The following KCTD8 variants were observed in gnomAD, a reference collection of about 807,000 sequenced individuals.
The protein encoded by KCTD8 is BTB/POZ domain-containing protein KCTD8.
In KCTD8, 27 loss-of-function variants were observed where a neutral mutation model predicts 31.5. The ratio of observed to expected loss-of-function variants is 0.86; its 90% CI spans 0.63 to 1.18. The LOEUF is 1.18. Among genes scored for constraint, KCTD8 ranks in the 50% most tolerant of loss-of-function variants. The pLI, the probability that KCTD8 is intolerant of heterozygous loss-of-function variation, is 0.00. For missense variants in KCTD8, 658 were observed against 647.7 expected, an observed-to-expected ratio of 1.02 and a Z score of -0.17; for synonymous variants, 290 against 280.0, an observed-to-expected ratio of 1.04 and a Z score of -0.36.
chr4:44,413,523 C>T (rs1471489359), intron 1 of KCTD8, among the ~76,000 whole-genome samples: 1 of 152,104 alleles, frequency 6.6e-6, no homozygotes, highest in Non-Finnish European at 1.5e-5. Flanking sequence ...AAATTTAACA[C>T]ATAAATGATA....
chr4:44,395,072 G>C (rs1720463585), intron 1 of KCTD8, among the ~76,000 whole-genome samples: 1 of 152,070 alleles, frequency 6.6e-6, no homozygotes, highest in Non-Finnish European at 1.5e-5. Flanking sequence ...GAACACAAAA[G>C]TTTTCCTGGG....
chr4:44,298,051 A>G (rs185855722), intron 1 of KCTD8, among the ~76,000 whole-genome samples: 1 of 152,318 alleles, frequency 6.6e-6, no homozygotes, highest in East Asian at 1.9e-4. Flanking sequence ...TGTCGCTCAC[A>G]AGAAGCACAG....
chr4:44,311,921 AGACCT>A (rs1361065957), intron 1 of KCTD8, among the ~76,000 whole-genome samples: 4 of 151,132 alleles, frequency 2.6e-5, no homozygotes, highest in African/African-American at 4.9e-5. Flanking sequence ...AAACTAATGA[AGACCT>A]GTGGTCATAA....
At chr4:44,395,306 T>C (rs774769146) in intron 1 of KCTD8, among the ~76,000 whole-genome samples, 5 of 152,016 alleles carry the variant, frequency 3.3e-5, no homozygotes, top group Non-Finnish European at 7.4e-5. Context: ...CAGTTTCACA[T>C]GATTAGCAAA....
intron 1 of KCTD8, among the ~76,000 whole-genome samples, chr4:44,257,244 A>C (rs1716016973): frequency 2.0e-5 from 3 of 152,164 alleles, no homozygotes; most frequent in South Asian, 2.1e-4. Context: ...TTAAAATATA[A>C]ATTTAAAATG....
At chr4:44,307,451 T>C (rs989410581) in intron 1 of KCTD8, among the ~76,000 whole-genome samples, 3 of 152,006 alleles carry the variant, frequency 2.0e-5, no homozygotes, top group Admixed American at 2.0e-4. Context: ...GCGTGATCAT[T>C]TTCAAGAGGA....
chr4:44,289,526 C>A (rs60805906), intron 1 of KCTD8, among the ~76,000 whole-genome samples: 4,895 of 151,970 alleles, frequency 0.032, 261 homozygotes, highest in African/African-American at 0.11. Context: ...AGCTGGAAAC[C>A]CTGTACAGGG....
intron 1 of KCTD8, among the ~76,000 whole-genome samples, chr4:44,284,282 C>A (rs1475663490): frequency 6.6e-6 from 1 of 152,028 alleles, no homozygotes; most frequent in East Asian, 1.9e-4. Context: ...AAAACAAATA[C>A]ATAGACCAAC....
intron 1 of KCTD8, among the ~76,000 whole-genome samples, chr4:44,270,285 A>G (rs1166528803): frequency 1.3e-5 from 2 of 151,484 alleles, no homozygotes; most frequent in African/African-American, 2.4e-5. Flanking sequence ...GCAAACTATC[A>G]CAAGGACAAA....
chr4:44,316,927 G>A (rs1033310569), intron 1 of KCTD8, among the ~76,000 whole-genome samples: 1 of 150,352 alleles, frequency 6.7e-6, no homozygotes, highest in South Asian at 2.1e-4. Context: ...GCAGTGAGCC[G>A]AGATAGTGCC....
At chr4:44,213,685 T>C (rs1441005136) in intron 1 of KCTD8, among the ~76,000 whole-genome samples, 1 of 152,214 alleles carries the variant, frequency 6.6e-6, no homozygotes, top group African/African-American at 2.4e-5. Context: ...ATACCTTTAC[T>C]CTTTTATCCC....
chr4:44,380,399 G>A (rs1040494951), intron 1 of KCTD8, among the ~76,000 whole-genome samples: 2 of 148,900 alleles, frequency 1.3e-5, no homozygotes, highest in Non-Finnish European at 3.0e-5. Flanking sequence ...ATCAATATTG[G>A]CAAGCGAGAC....
At chr4:44,399,516 C>G (rs1156924656) in intron 1 of KCTD8, among the ~76,000 whole-genome samples, 1 of 152,026 alleles carries the variant, frequency 6.6e-6, no homozygotes, top group Admixed American at 6.6e-5. Context: ...ACGAGTTATC[C>G]TCGGTAAAGA....
intron 1 of KCTD8, among the ~76,000 whole-genome samples, chr4:44,386,215 G>A (rs961779796): frequency 9.2e-5 from 14 of 151,360 alleles, no homozygotes; most frequent in Non-Finnish European, 1.8e-4. Flanking sequence ...TCCCAAAATT[G>A]AAAGCAGAAT....
At chr4:44,350,157 A>G (rs1459130981) in intron 1 of KCTD8, among the ~76,000 whole-genome samples, 1 of 152,144 alleles carries the variant, frequency 6.6e-6, no homozygotes, top group South Asian at 2.1e-4. Flanking sequence ...TGTATCTGAT[A>G]ATTTTCCATC....
At chr4:44,208,401 C>T (rs1446495417) in intron 1 of KCTD8, among the ~76,000 whole-genome samples, 1 of 152,114 alleles carries the variant, frequency 6.6e-6, no homozygotes. Flanking sequence ...AATGGCAGCA[C>T]CCTCAGACTG....
chr4:44,301,938 C>T (rs1189341427), intron 1 of KCTD8, among the ~76,000 whole-genome samples: 1 of 152,154 alleles, frequency 6.6e-6, no homozygotes, highest in East Asian at 1.9e-4. Flanking sequence ...CTACATATGG[C>T]TAGCCAGTTT....
At chr4:44,429,450 T>C (rs924540470) in intron 1 of KCTD8, among the ~76,000 whole-genome samples, 9 of 151,614 alleles carry the variant, frequency 5.9e-5, no homozygotes, top group South Asian at 4.1e-4. Context: ...AGGGCATAGA[T>C]AGAAAATAGT....
At chr4:44,281,441 T>C (rs1716903152) in intron 1 of KCTD8, among the ~76,000 whole-genome samples, 1 of 152,070 alleles carries the variant, frequency 6.6e-6, no homozygotes, top group Non-Finnish European at 1.5e-5. Context: ...ATGACTAAAG[T>C]ATCAGAGATA....
Sources: gnomAD v4.1 joint callset for allele counts (sites outside exome capture counted in the v4.1 genomes callset) on GRCh38, gnomAD v4.1.1 for gene constraint, MANE v1.5 for transcripts, NCBI Gene and HGNC (gene_info 2026-07-23, HGNC 2026-07-21) for gene names.